Variants in ZNF45 observed in about 807,000 individuals in gnomAD.
ZNF45 encodes the protein BRC1744.
In ZNF45, 4 loss-of-function variants were observed where a neutral mutation model predicts 12.0. The observed-to-expected ratio is 0.33, with a 90% CI of 0.16 to 0.76. The LOEUF (loss-of-function observed/expected upper bound fraction) is 0.76, where lower values mean the gene tolerates loss of function less well. Ranked by LOEUF, ZNF45 falls within the 30% of genes least tolerant of loss-of-function variation. The pLI, the probability that ZNF45 is intolerant of heterozygous loss-of-function variation, is 0.60. For synonymous variants in ZNF45, 272 were observed against 279.6 expected (o/e 0.97, Z 0.27); for missense variants, 700 against 813.0 (o/e 0.86, Z 1.69).
intron 9 of ZNF45, among the ~76,000 whole-genome samples, chr19:43,917,872 G>T (rs1972820480): frequency 6.6e-6 from 1 of 152,104 alleles, no homozygotes; most frequent in African/African-American, 2.4e-5. Context: ...TTTTGCCCAG[G>T]TTATAATGTT....
Position 43,912,685 on chromosome 19 carries a change from T to C in ZNF45, c.*702A>G, listed in dbSNP as rs1568443688. ...GGTTTAATAGACATATTGTATACATTGATCTTGGTGATGATTACATTTGTC... is the reference window on the plus strand; with the variant it reads ...GGTTTAATAGACATATTGTATACATCGATCTTGGTGATGATTACATTTGTC... On this transcript the variant is annotated 3_prime_UTR_variant, in exon 10 of 10. Coordinates refer to ENST00000269973, the MANE Select transcript of ZNF45 (RefSeq NM_003425.4). The C allele has an allele frequency of 6.6e-6, 1 of 152,350 alleles. No individual in the cohort carries two copies. The highest frequency in any genetic ancestry group is 1.9e-4 in the East Asian group (1 of 5,190). The allele number at this position is 152,350 out of a possible 1,614,324, so 9.4% of individuals were successfully genotyped here.
At position 43,914,618 on chromosome 19, in the gene ZNF45, T is replaced by C; in HGVS notation, c.818A>G (p.Glu273Gly). 6.2e-7 allele frequency: 1 copy of C among 1,613,718 alleles called. No homozygotes were observed. The highest frequency in any genetic ancestry group is 8.5e-7 in the Non-Finnish European group (1 of 1,179,774). ...ACACTCCTCACATTTATAGGGTTTC[T>C]CTCCCGTATGAACTATCAGAGGAGC... ...CQAPLIVHTG[E>G]KPYKCEECGV... The change falls in exon 10 of 10, where the codon GAG (glutamate) becomes GGG (glycine). Residue 273 changes from glutamate (E) to glycine (G), a missense_variant. By Grantham distance (98) the Glu-to-Gly change is moderately conservative. Transcript: ENST00000269973.
chr19:43,922,820 G>GTTTTTTT (rs368057244), intron 6 of ZNF45, among the ~76,000 whole-genome samples: 28 of 86,476 alleles, frequency 3.2e-4, no homozygotes, highest in Non-Finnish European at 3.9e-4. Context: ...TAAATTCTTT[G>GTTTTTTT]TTTTTTTTTT....
intron 6 of ZNF45, among the ~76,000 whole-genome samples, 171 bp downstream of exon 6, chr19:43,924,067 T>C (rs1393762271): frequency 6.7e-6 from 1 of 150,374 alleles, no homozygotes; most frequent in Non-Finnish European, 1.5e-5. Context: ...TAATAAAAAA[T>C]CATGACTCTG....
intron 3 of ZNF45, among the ~76,000 whole-genome samples, chr19:43,928,637 A>C (rs1409640299): frequency 6.6e-6 from 1 of 152,242 alleles, no homozygotes; most frequent in Non-Finnish European, 1.5e-5. Context: ...AGATATTTTC[A>C]GACAGACTAA....
chr19:43,916,106 C>T (rs569750368), intron 9 of ZNF45, among the ~76,000 whole-genome samples: 21 of 152,072 alleles, frequency 1.4e-4, no homozygotes, highest in East Asian at 1.4e-3. Context: ...TGCGAGCCAC[C>T]GGCACCTGGC....
chr19:43,920,069 T>C lies in ZNF45; in HGVS notation c.16-370A>G, dbSNP rs373761250. On this transcript the variant is annotated intron_variant, in intron 7 of 9. Transcript: ENST00000269973. ...AAGATAAAGTATCATTGATTTTCCA[T>C]ACCATAGATAACACTGAATATAACC... is the stretch of plus-strand genomic sequence containing the variant. Among the ~76,000 whole-genome samples the C allele has an allele frequency of 2.3e-3, 349 of 152,316 alleles. 2 individuals carry two copies. Among genetic ancestry groups the C allele is most frequent in the African/African-American group, 7.6e-3 (316 of 41,584 alleles).
intron 9 of ZNF45, among the ~76,000 whole-genome samples, chr19:43,916,312 C>T (rs936895980): frequency 6.6e-6 from 1 of 151,942 alleles, no homozygotes; most frequent in African/African-American, 2.4e-5. Context: ...GATGGGGTTT[C>T]ACCATCTTGC....
At chr19:43,928,723 A>G (rs1973889488) in intron 3 of ZNF45, among the ~76,000 whole-genome samples, 1 of 152,228 alleles carries the variant, frequency 6.6e-6, no homozygotes, top group Admixed American at 6.5e-5. Context: ...AAAAGAACTA[A>G]AGAAGGTAAA....
At position 43,917,548 on chromosome 19, in the gene ZNF45, C is replaced by T. The variant is rs944815977; in HGVS notation, c.235+1322G>A. Among the ~76,000 whole-genome samples the T allele has an allele frequency of 5.9e-5, 9 of 152,134 alleles. No homozygotes were observed. In the South Asian group the frequency reaches 8.3e-4, roughly 14 times the overall value. On this transcript the variant is annotated intron_variant, in intron 9 of 9. Coordinates refer to ENST00000269973, the MANE Select transcript of ZNF45 (RefSeq NM_003425.4). ...TTGCCCAGGCTGGAGTGCAATGGCG[C>T]GCTGTAGGCTCACTGCAACCTCCAC...
rs747966751 is a variant in ZNF45, at chr19:43,913,462, A to G, written c.1974T>C (p.His658=). The G allele has an allele frequency of 1.9e-6, 3 of 1,609,782 alleles. No homozygotes were observed. The highest frequency in any genetic ancestry group is 2.2e-5 in the East Asian group (1 of 44,860). ...GFSWSSSLII[H]QRVHADDEGD... ...CCTCATCATCAGCATGGACTCGCTG[A>G]TGAATGATAAGACTTGAGCTCCAAC... The change falls in exon 10 of 10, where the codon CAT becomes CAC. Residue 658 remains histidine, a synonymous_variant. Coordinates refer to ENST00000269973, the MANE Select transcript of ZNF45 (RefSeq NM_003425.4).
At chr19:43,921,889 GA>G (rs1328183904) in intron 7 of ZNF45, among the ~76,000 whole-genome samples, 1 of 152,200 alleles carries the variant, frequency 6.6e-6, no homozygotes, top group Non-Finnish European at 1.5e-5. Flanking sequence ...AAAGAACATG[GA>G]AAATCAAAAC....
At position 43,913,922 on chromosome 19, in the gene ZNF45, C is replaced by T; in HGVS notation, c.1514G>A (p.Cys505Tyr). 3.1e-6 allele frequency: 5 copies of T among 1,602,624 alleles called. No homozygotes were observed. The highest frequency in any genetic ancestry group is 4.3e-6 in the Non-Finnish European group (5 of 1,171,698). ...TGEKPYKCER[C>Y]GKAFSQFSSL... is the part of the protein sequence containing the mutation. The stretch of plus-strand genomic sequence containing the variant: ...GGAGAACTGACTGAAGGCCTTACCA[C>T]ACCTCTCGCATTTATAGGGTTTCTC... The change falls in exon 10 of 10, where the codon TGT becomes TAT. Residue 505 changes from cysteine (C) to tyrosine (Y), a missense_variant. Coordinates refer to ENST00000269973, the MANE Select transcript of ZNF45 (RefSeq NM_003425.4).
intron 7 of ZNF45, among the ~76,000 whole-genome samples, chr19:43,920,599 G>T (rs1444118385): frequency 1.2e-4 from 9 of 76,082 alleles, no homozygotes; most frequent in South Asian, 1.4e-3. Flanking sequence ...TATCGTATTG[G>T]TTTTTTTTTT....
intron 3 of ZNF45, chr19:43,932,259 C>G (rs1376486080): frequency 6.6e-6 from 1 of 152,278 alleles, no homozygotes; most frequent in African/African-American, 2.4e-5. Flanking sequence ...TTGCTGAAAC[C>G]CAGGAGGCGG....
intron 6 of ZNF45, 65 bp from the exon 7 acceptor site, chr19:43,922,282 A>C: frequency 8.5e-7 from 1 of 1,171,302 alleles, no homozygotes; most frequent in Non-Finnish European, 1.2e-6. Flanking sequence ...GCCAAAAAAA[A>C]AACCATAGCT....
In ZNF45 at chr19:43,931,980, C is replaced by A. The variant is rs1227441683; in HGVS notation, c.-400+624G>T. On this transcript the variant is annotated intron_variant, in intron 3 of 9. Transcript: ENST00000269973. The stretch of plus-strand genomic sequence containing the variant: ...TAGTGCATGGAAAGCACTAGAAATT[C>A]TCCAAGTCATAAGAAACACCCAACA... 2.0e-5 allele frequency among the ~76,000 whole-genome samples: 3 copies of A among 152,184 alleles called. No individual in the cohort carries two copies. The East Asian group carries it at 5.8e-4, about 29-fold the overall frequency.
chr19:43,929,593 C>CTT (rs917520413), intron 3 of ZNF45, among the ~76,000 whole-genome samples: 1 of 152,140 alleles, frequency 6.6e-6, no homozygotes, highest in Non-Finnish European at 1.5e-5. Context: ...CAGTGGAACT[C>CTT]TAAGTATTAA....
In ZNF45 at chr19:43,913,472, A is replaced by G. The variant is rs1214096922; in HGVS notation, c.1964T>C (p.Leu655Pro). The G allele has an allele frequency of 9.3e-6, 15 of 1,611,682 alleles. No homozygotes were observed. In the East Asian group the frequency reaches 1.3e-4, roughly 14 times the overall value. ...CGKGFSWSSS[L>P]IIHQRVHADD... ...AGCATGGACTCGCTGATGAATGATA[A>G]GACTTGAGCTCCAACTGAAGCCCTT... The change falls in exon 10 of 10, where the codon CTT becomes CCT. Residue 655 changes from leucine (L) to proline (P), a missense_variant. By Grantham distance (98) the Leu-to-Pro change is moderately conservative. Transcript: ENST00000269973.
Sources: allele counts gnomAD v4.1 joint callset (sites outside exome capture counted in the v4.1 genomes callset), GRCh38; gene constraint gnomAD v4.1.1; transcripts MANE v1.5; gene names NCBI Gene and HGNC (gene_info 2026-07-23, HGNC 2026-07-21).